The following GRID2 variants were observed in gnomAD, a reference collection of about 807,000 sequenced individuals.
GRID2 encodes glutamate ionotropic receptor delta type subunit 2.
Under a neutral mutation model 114.8 loss-of-function variants are expected in GRID2, and 33 were observed. The ratio of observed to expected loss-of-function variants is 0.29; its 90% CI spans 0.22 to 0.38. GRID2 has a LOEUF of 0.38. GRID2 is among the 10% of genes least tolerant of loss of function. The pLI, the probability that GRID2 is intolerant of heterozygous loss-of-function variation, is 1.00. For missense variants in GRID2, 1,184 were observed against 1,257.7 expected (o/e 0.94, Z 0.89); for synonymous variants, 505 against 449.9 (o/e 1.12, Z -1.55).
chr4:93,752,223 A>T (rs2110286212), intron 14 of GRID2, among the ~76,000 whole-genome samples: 1 of 152,258 alleles, frequency 6.6e-6, no homozygotes, highest in East Asian at 1.9e-4. Flanking sequence ...ATACAATACA[A>T]TTTAAGATAA....
At chr4:92,567,209 C>A (rs1560715622) in intron 1 of GRID2, among the ~76,000 whole-genome samples, 1 of 151,990 alleles carries the variant, frequency 6.6e-6, no homozygotes. Flanking sequence ...AGCAAGCTTT[C>A]TAATGGTGTC....
At chr4:93,034,523 T>A (rs1724735823) in intron 2 of GRID2, among the ~76,000 whole-genome samples, 1 of 152,108 alleles carries the variant, frequency 6.6e-6, no homozygotes. Context: ...TACTGCCCAT[T>A]GAACACGACT....
At chr4:92,691,348 A>C (rs1271502195) in intron 2 of GRID2, among the ~76,000 whole-genome samples, 1 of 152,104 alleles carries the variant, frequency 6.6e-6, no homozygotes, top group African/African-American at 2.4e-5. Flanking sequence ...AAATAACACA[A>C]GCAGATAATC....
intron 1 of GRID2, among the ~76,000 whole-genome samples, chr4:92,380,262 G>C (rs1729555514): frequency 6.6e-6 from 1 of 151,420 alleles, no homozygotes. Context: ...AGGAGAAAGA[G>C]TACATCTATT....
chr4:92,359,242 A>G (rs139041221), intron 1 of GRID2, among the ~76,000 whole-genome samples: 2 of 152,038 alleles, frequency 1.3e-5, no homozygotes, highest in African/African-American at 4.8e-5. Context: ...TTACCAAAGC[A>G]TGCTTCCTTC....
chr4:92,950,473 C>T (rs1185797950), intron 2 of GRID2, among the ~76,000 whole-genome samples: 1 of 152,140 alleles, frequency 6.6e-6, no homozygotes, highest in Non-Finnish European at 1.5e-5. Flanking sequence ...TAGACATATA[C>T]GTGATTTTTT....
chr4:92,423,492 G>A (rs762066447), intron 1 of GRID2, among the ~76,000 whole-genome samples: 76 of 152,084 alleles, frequency 5.0e-4, no homozygotes, highest in Admixed American at 2.0e-4. Flanking sequence ...TTAGGGACAC[G>A]ATACTAGAAA....
At chr4:93,238,312 T>C in intron 7 of GRID2, 59 bp from the exon 8 acceptor site, 2 of 1,281,924 alleles carry the variant, frequency 1.6e-6, no homozygotes, top group Non-Finnish European at 1.1e-6. Context: ...TCCTTTTATG[T>C]TTATTTATTT....
chr4:93,252,685 CT>C (rs1749102661), intron 8 of GRID2, among the ~76,000 whole-genome samples: 1 of 152,090 alleles, frequency 6.6e-6, no homozygotes, highest in Admixed American at 6.6e-5. Context: ...GACATTCATT[CT>C]TTCTATCCAT....
intron 1 of GRID2, among the ~76,000 whole-genome samples, chr4:92,513,970 T>A (rs1017284201): frequency 1.3e-5 from 2 of 151,900 alleles, no homozygotes; most frequent in African/African-American, 4.8e-5. Context: ...AGAGCTGATA[T>A]CAAGGACCTA....
intron 3 of GRID2, among the ~76,000 whole-genome samples, chr4:93,102,069 A>G (rs1578990889): frequency 6.6e-6 from 1 of 152,170 alleles, no homozygotes; most frequent in East Asian, 1.9e-4. Flanking sequence ...TGTATTAATC[A>G]AGACCCTTTC....
intron 4 of GRID2, among the ~76,000 whole-genome samples, chr4:93,149,814 T>A (rs1470996008): frequency 6.6e-6 from 1 of 151,906 alleles, no homozygotes; most frequent in Non-Finnish European, 1.5e-5. Flanking sequence ...TTTAATTTTC[T>A]TGTAGAGATG....
At position 93,287,774 on chromosome 4, in the gene GRID2, A is replaced by G. The variant is rs374982422; in HGVS notation, c.1245+49284A>G. Among the ~76,000 whole-genome samples the G allele has an allele frequency of 1.8e-4, 27 of 152,304 alleles. No homozygotes were observed. The East Asian group carries it at 5.0e-3, about 28-fold the overall frequency. ...ACTTGATAAAGAGAGCATGTTCACT[A>G]TATTCACTTGATAATTGTTCTGATA... On this transcript the variant is annotated intron_variant, in intron 8 of 15. Coordinates refer to ENST00000282020, the MANE Select transcript of GRID2 (RefSeq NM_001510.4).
chr4:93,739,196 G>A lies in GRID2; in HGVS notation c.2361-30014G>A, dbSNP rs548521970. ...CCAAACCATTTCTTTATTTTCTACG[G>A]TGTTTCCTCAAAAAAAGACACTATT... On this transcript the variant is annotated intron_variant, in intron 14 of 15. Coordinates refer to ENST00000282020, the MANE Select transcript of GRID2 (RefSeq NM_001510.4). Among the ~76,000 whole-genome samples the A allele has an allele frequency of 1.0e-3, 153 of 151,984 alleles. 4 individuals carry two copies. The highest frequency in any genetic ancestry group is 1.4e-3 in the Non-Finnish European group (92 of 67,962).
At chr4:92,719,226 A>T (rs978688860) in intron 2 of GRID2, among the ~76,000 whole-genome samples, 2 of 152,084 alleles carry the variant, frequency 1.3e-5, no homozygotes, top group Non-Finnish European at 2.9e-5. Context: ...AACTGAGATG[A>T]TCCACTCGCC....
chr4:93,248,956 A>G (rs962859841), intron 8 of GRID2, among the ~76,000 whole-genome samples: 1 of 152,174 alleles, frequency 6.6e-6, no homozygotes, highest in Non-Finnish European at 1.5e-5. Flanking sequence ...GTAGTGACTG[A>G]AAATTGATTG....
At chr4:93,375,700 C>T (rs374840174) in intron 8 of GRID2, among the ~76,000 whole-genome samples, 1 of 152,034 alleles carries the variant, frequency 6.6e-6, no homozygotes, top group South Asian at 2.1e-4. Context: ...TGTAGAATAC[C>T]GATTTATTTT....
At chr4:92,718,113 CAT>C (rs1160419551) in intron 2 of GRID2, among the ~76,000 whole-genome samples, 3 of 152,016 alleles carry the variant, frequency 2.0e-5, no homozygotes, top group African/African-American at 7.2e-5. Context: ...ATTTTAATCA[CAT>C]GTGTAATCAA....
At chr4:92,324,792 T>C (rs1014968884) in intron 1 of GRID2, among the ~76,000 whole-genome samples, 22 of 152,062 alleles carry the variant, frequency 1.4e-4, no homozygotes, top group African/African-American at 5.3e-4. Flanking sequence ...AGGACTGGTT[T>C]GTTGAAGGTT....
Sources: gnomAD v4.1 joint callset for allele counts (sites outside exome capture counted in the v4.1 genomes callset) on GRCh38, gnomAD v4.1.1 for gene constraint, MANE v1.5 for transcripts, NCBI Gene and HGNC (gene_info 2026-07-23, HGNC 2026-07-21) for gene names.